The following PTPRD variants were observed in gnomAD, a reference collection of about 807,000 sequenced individuals.
The protein encoded by PTPRD is protein tyrosine phosphatase receptor type D, also known as receptor-type tyrosine-protein phosphatase delta.
A neutral mutation model predicts 214.5 loss-of-function variants in PTPRD; 34 were observed. The ratio of observed to expected loss-of-function variants is 0.16; its 90% CI spans 0.12 to 0.21. The LOEUF (loss-of-function observed/expected upper bound fraction) is 0.21, where lower values mean the gene tolerates loss of function less well. Among genes scored for constraint, PTPRD ranks in the 10% least tolerant of loss-of-function variants. PTPRD has a pLI of 1.00. For synonymous variants in PTPRD, 1,128 were observed against 845.7 expected (o/e 1.33, Z -5.79); for missense variants, 2,545 against 2,398.7 (o/e 1.06, Z -1.27).
intron 2 of PTPRD, among the ~76,000 whole-genome samples, chr9:10,486,869 TC>T (rs2099136182): frequency 6.6e-6 from 1 of 152,184 alleles, no homozygotes; most frequent in South Asian, 2.1e-4. Flanking sequence ...TGATTTTCTT[TC>T]TAGAAGATCT....
At chr9:10,395,448 A>T (rs762641435) in intron 2 of PTPRD, among the ~76,000 whole-genome samples, 12 of 151,890 alleles carry the variant, frequency 7.9e-5, no homozygotes, top group Non-Finnish European at 1.5e-4. Context: ...CTCTAAAGGC[A>T]GTCACCATGC....
rs772464907 is a variant in PTPRD at position 8,485,814 on chromosome 9, C to T, written c.3003G>A (p.Gly1001=). 4.3e-6 allele frequency: 7 copies of T among 1,613,822 alleles called. No individual in the cohort carries two copies. The highest frequency in any genetic ancestry group is 3.3e-5 in the Admixed American group (2 of 59,994). Residue 1001 remains glycine, a synonymous_variant, in exon 28 of 46, where the codon GGG becomes GGA. Coordinates refer to ENST00000381196, the MANE Select transcript of PTPRD (RefSeq NM_002839.4). The stretch of plus-strand genomic sequence containing the variant: ...GGACACTGGGACTATATGGCCCGGG[C>T]CCTTTGCTCGTATGAGCACGTACTT... ...DVKVRAHTSK[G]PGPYSPSVQF... is the part of the protein sequence containing the mutation.
chr9:8,940,739 T>C (rs2099028479), intron 11 of PTPRD, among the ~76,000 whole-genome samples: 1 of 152,124 alleles, frequency 6.6e-6, no homozygotes, highest in African/African-American at 2.4e-5. Context: ...AATAATTCTC[T>C]GAAATACATT....
chr9:9,937,095 G>A (rs1342488123), intron 5 of PTPRD, among the ~76,000 whole-genome samples: 3 of 152,042 alleles, frequency 2.0e-5, no homozygotes, highest in African/African-American at 7.2e-5. Flanking sequence ...GGAAGGGGGA[G>A]GGATAGCACT....
At chr9:9,479,710 A>G (rs2095314946) in intron 8 of PTPRD, among the ~76,000 whole-genome samples, 1 of 149,312 alleles carries the variant, frequency 6.7e-6, no homozygotes, top group Non-Finnish European at 1.5e-5. Context: ...AACCTTAAGT[A>G]ATTTAGTCAG....
intron 14 of PTPRD, among the ~76,000 whole-genome samples, chr9:8,548,714 G>A (rs2081076466): frequency 1.5e-5 from 1 of 68,910 alleles, no homozygotes; most frequent in Admixed American, 2.4e-4. Context: ...TTTTTTTTGA[G>A]ACGGAGTTTC....
At chr9:10,235,878 C>G (rs1191493479) in intron 3 of PTPRD, among the ~76,000 whole-genome samples, 2 of 151,912 alleles carry the variant, frequency 1.3e-5, no homozygotes, top group African/African-American at 2.4e-5. Context: ...CGCATGTCTT[C>G]TTTGTGTGAG....
At chr9:10,097,954 A>C (rs537997019) in intron 3 of PTPRD, among the ~76,000 whole-genome samples, 186 of 151,928 alleles carry the variant, frequency 1.2e-3, no homozygotes, top group African/African-American at 4.4e-3. Context: ...AGGGATCTAG[A>C]ACTTGAAATA....
At chr9:9,363,365 C>A (rs772218165) in intron 9 of PTPRD, among the ~76,000 whole-genome samples, 3 of 151,164 alleles carry the variant, frequency 2.0e-5, no homozygotes, top group Non-Finnish European at 4.4e-5. Flanking sequence ...TCCCTTATAC[C>A]TGAAGAACAA....
At chr9:10,116,735 C>A (rs955658724) in intron 3 of PTPRD, among the ~76,000 whole-genome samples, 18 of 152,202 alleles carry the variant, frequency 1.2e-4, no homozygotes, top group East Asian at 3.9e-4. Flanking sequence ...TCCAAAGGCT[C>A]CCCATTGGCT....
rs5896322 is a variant in PTPRD, at chr9:9,360,255, G to GA, written c.-203+37193dup. 1.6e-3 allele frequency among the ~76,000 whole-genome samples: 229 copies of GA among 144,104 alleles called. 1 individual carries two copies. The highest frequency in any genetic ancestry group is 8.2e-3 in the South Asian group (38 of 4,620). The allele number at this position is 144,104 out of a possible 152,430, so 94.5% of individuals were successfully genotyped here. A position where few individuals can be genotyped will look rare whatever the true frequency, so the allele number is the denominator to read the frequency against. On this transcript the variant is annotated intron_variant, in intron 9 of 45. Coordinates refer to ENST00000381196, the MANE Select transcript of PTPRD (RefSeq NM_002839.4). ...AGACTGACAGTTGTATAATAGATGG[G>GA]AAAAAAAAAAAGATGATTGGCAAAG...
rs1249194117 is a variant in PTPRD, at chr9:8,371,454, G to A, written c.4661+4482C>T. Among the ~76,000 whole-genome samples, 5 of 151,948 alleles carry A rather than the reference G, an allele frequency of 3.3e-5. No homozygotes were observed. In the East Asian group the frequency reaches 7.7e-4, roughly 24 times the overall value. On this transcript the variant is annotated intron_variant, in intron 39 of 45. Coordinates refer to ENST00000381196, the MANE Select transcript of PTPRD (RefSeq NM_002839.4). ...GGTACGTATGATCTGCACACATATAGCTAAACTTGCACAGTGTGAACCTAT... is the reference window on the plus strand; with the variant it reads ...GGTACGTATGATCTGCACACATATAACTAAACTTGCACAGTGTGAACCTAT...
chr9:9,143,197 C>G (rs768623812), intron 10 of PTPRD, among the ~76,000 whole-genome samples: 1 of 152,222 alleles, frequency 6.6e-6, no homozygotes, highest in Non-Finnish European at 1.5e-5. Flanking sequence ...GAGACCCTGA[C>G]AGAGCAACCA....
intron 9 of PTPRD, among the ~76,000 whole-genome samples, chr9:9,366,540 C>G (rs1281968909): frequency 6.6e-6 from 1 of 151,482 alleles, no homozygotes; most frequent in Non-Finnish European, 1.5e-5. Context: ...TTTGAGAAAG[C>G]ACTAGCTCCT....
rs560364344 is a variant in PTPRD, at chr9:9,718,468, G to A, written c.-287+16065C>T. On this transcript the variant is annotated intron_variant, in intron 7 of 45. Coordinates refer to ENST00000381196, the MANE Select transcript of PTPRD (RefSeq NM_002839.4). ...CAGGTGATCCCAGTGGGAGCCCTGC[G>A]CCCAACTAAATAGTGAGGTGGGAGC... Among the ~76,000 whole-genome samples, 36 of 152,234 alleles carry A rather than the reference G, an allele frequency of 2.4e-4. No homozygotes were observed. The South Asian group carries it at 5.0e-3, about 21-fold the overall frequency.
At chr9:10,281,623 G>A (rs530164265) in intron 3 of PTPRD, among the ~76,000 whole-genome samples, 33 of 152,230 alleles carry the variant, frequency 2.2e-4, no homozygotes, top group African/African-American at 7.7e-4. Context: ...CCATAGATGT[G>A]CAAAATTTAG....
intron 26 of PTPRD, among the ~76,000 whole-genome samples, chr9:8,495,704 G>C (rs759720345): frequency 2.7e-4 from 41 of 152,288 alleles, no homozygotes; most frequent in South Asian, 1.2e-3. Context: ...ATTGAATCAT[G>C]ACATACAATA....
chr9:9,625,537 C>G (rs1387299280), intron 7 of PTPRD, among the ~76,000 whole-genome samples: 2 of 150,446 alleles, frequency 1.3e-5, no homozygotes, highest in Non-Finnish European at 3.0e-5. Flanking sequence ...ATTTCCTGAC[C>G]AAATATTGTT....
At chr9:8,940,336 G>A (rs1277753800) in intron 11 of PTPRD, among the ~76,000 whole-genome samples, 1 of 121,364 alleles carries the variant, frequency 8.2e-6, no homozygotes, top group African/African-American at 3.1e-5. Context: ...AGGCTGGAGT[G>A]CAGTGGCGCA....
Sources: allele counts gnomAD v4.1 joint callset (sites outside exome capture counted in the v4.1 genomes callset), GRCh38; gene constraint gnomAD v4.1.1; transcripts MANE v1.5; gene names NCBI Gene and HGNC (gene_info 2026-07-23, HGNC 2026-07-21).